Variants in SLCO6A1 observed in about 807,000 individuals in gnomAD.
The protein encoded by SLCO6A1 is cancer/testis antigen 48.
A neutral mutation model predicts 72.7 loss-of-function variants in SLCO6A1; 65 were observed. The ratio of observed to expected loss-of-function variants is 0.89; its 90% CI spans 0.73 to 1.10. The LOEUF is 1.10. Ranked by LOEUF, SLCO6A1 falls within the 50% of genes least tolerant of loss-of-function variation. The probability of loss-of-function intolerance (pLI) is 0.00; values close to 1 mark genes in which losing one functional copy is unlikely to be tolerated. For synonymous variants in SLCO6A1, 314 were observed against 298.2 expected (o/e 1.05, Z -0.55); for missense variants, 874 against 872.6 (o/e 1.00, Z -0.02).
At position 102,498,740 on chromosome 5, in the gene SLCO6A1, G is replaced by A; in HGVS notation, c.105C>T (p.Ala35=). The A allele has an allele frequency of 6.2e-7, 1 of 1,614,000 alleles. No homozygotes were observed. The highest frequency in any genetic ancestry group is 1.1e-5 in the South Asian group (1 of 91,078). ...ARAQPAKDRR[A]KGTPKSSKPG... is the part of the protein sequence containing the mutation. Reference sequence around the variant, plus strand: ...GCTTCGAGGACTTCGGGGTTCCCTTGGCCCTCCTGTCCTTAGCAGGCTGGG... The same window carrying A: ...GCTTCGAGGACTTCGGGGTTCCCTTAGCCCTCCTGTCCTTAGCAGGCTGGG... Residue 35 remains alanine, a synonymous_variant, in exon 1 of 14, where the codon GCC becomes GCT. Coordinates refer to ENST00000506729, the MANE Select transcript of SLCO6A1 (RefSeq NM_173488.5).
At position 102,391,036 on chromosome 5, in the gene SLCO6A1, A is replaced by T; in HGVS notation, c.1824T>A (p.Pro608=). Residue 608 remains proline (P), a synonymous_variant, in exon 11 of 14, where the codon CCT becomes CCA. Transcript: ENST00000506729. ...CCAAGGCCAGAGAACGCAGTTTGTC[A>T]GGTACAACCCTGAAAGTAAATAGCA... The part of the protein sequence containing the change: ...PIVLAMTRVV[P]DKLRSLALGV... 6.2e-7 allele frequency: 1 copy of T among 1,613,452 alleles called. No homozygotes were observed. Among genetic ancestry groups the T allele is most frequent in the Non-Finnish European group, 8.5e-7 (1 of 1,179,482 alleles).
intron 10 of SLCO6A1, among the ~76,000 whole-genome samples, chr5:102,398,017 G>A (rs148273646): frequency 3.3e-5 from 5 of 152,056 alleles, no homozygotes; most frequent in Non-Finnish European, 5.9e-5. Context: ...ACTAATAAAT[G>A]TTCAATATTG....
chr5:102,413,130 C>A lies in SLCO6A1; in HGVS notation c.1486G>T (p.Gly496Ter). The change falls in exon 9 of 14, where the codon GGA becomes TGA. Residue 496 changes from glycine (G) to a stop codon, truncating the protein, a stop_gained. Transcript: ENST00000506729. LOFTEE classifies it high-confidence loss of function. ...TCATTGCAAGGAGCCGTGAGGTTTC[C>A]CAACTTCCCTGTTCTGTAAAAACAA... ...NEDYDGTGKL[G>*]NLTAPCNEKC... is the part of the protein sequence containing the mutation. The A allele has an allele frequency of 1.3e-6, 2 of 1,562,916 alleles. No individual in the cohort carries two copies. Among genetic ancestry groups the A allele is most frequent in the East Asian group, 2.4e-5 (1 of 41,746 alleles).
intron 4 of SLCO6A1, among the ~76,000 whole-genome samples, chr5:102,463,130 A>T (rs1393183327): frequency 9.7e-6 from 1 of 103,090 alleles, no homozygotes; most frequent in Non-Finnish European, 2.1e-5. Flanking sequence ...ACAACTCTCA[A>T]AAGAAGATAT....
chr5:102,464,664 G>A (rs1360276411), intron 4 of SLCO6A1, among the ~76,000 whole-genome samples: 1 of 152,170 alleles, frequency 6.6e-6, no homozygotes, highest in Non-Finnish European at 1.5e-5. Context: ...GAACTCTACA[G>A]GTGGTTGTAT....
chr5:102,442,231 C>T (rs1749873333), intron 6 of SLCO6A1, among the ~76,000 whole-genome samples: 1 of 152,076 alleles, frequency 6.6e-6, no homozygotes, highest in South Asian at 2.1e-4. Flanking sequence ...AGGCAGATTT[C>T]TGGATTTAGA....
intron 7 of SLCO6A1, among the ~76,000 whole-genome samples, chr5:102,437,612 G>A (rs1749613154): frequency 1.3e-5 from 2 of 152,078 alleles, no homozygotes; most frequent in African/African-American, 4.8e-5. Flanking sequence ...GCCATTGAAA[G>A]CTGATCTATT....
In SLCO6A1 at chr5:102,498,612, G is replaced by C. The variant is rs1268175589; in HGVS notation, c.233C>G (p.Pro78Arg). 18 of 1,614,216 alleles carry C rather than the reference G, an allele frequency of 1.1e-5. No individual in the cohort carries two copies. The highest frequency in any genetic ancestry group is 1.5e-5 in the Non-Finnish European group (18 of 1,180,032). Residue 78 changes from proline (P) to arginine (R), a missense_variant, in exon 1 of 14, where the codon CCG becomes CGG. Physicochemically the swap from Pro to Arg is moderately radical, Grantham distance 103. Transcript: ENST00000506729. ...KKAKSSVSKK[P>R]GEVDDSLEQP... is the part of the protein sequence containing the mutation. ...CTCCAAACTGTCATCCACTTCTCCC[G>C]GCTTCTTGGAAACTGAGGACTTGGC...
intron 6 of SLCO6A1, among the ~76,000 whole-genome samples, chr5:102,453,505 T>G (rs914706846): frequency 6.6e-6 from 1 of 152,214 alleles, no homozygotes; most frequent in Non-Finnish European, 1.5e-5. Context: ...CCACATTTTC[T>G]TCTTTCTTTG....
chr5:102,379,393 T>C (rs958264711), intron 12 of SLCO6A1, among the ~76,000 whole-genome samples: 1 of 152,162 alleles, frequency 6.6e-6, no homozygotes, highest in African/African-American at 2.4e-5. Flanking sequence ...AAAGGCTTTA[T>C]GGTTTTATCT....
chr5:102,386,689 G>A (rs1158898747), intron 12 of SLCO6A1, among the ~76,000 whole-genome samples: 2 of 152,130 alleles, frequency 1.3e-5, no homozygotes, highest in South Asian at 4.1e-4. Flanking sequence ...TGTAACACAG[G>A]ATTGGGGGCA....
intron 13 of SLCO6A1, among the ~76,000 whole-genome samples, chr5:102,372,638 C>T (rs1750684621): frequency 6.7e-6 from 1 of 149,888 alleles, no homozygotes; most frequent in African/African-American, 2.5e-5. Context: ...TGGGTTTCAA[C>T]TCAGATTATC....
intron 12 of SLCO6A1, among the ~76,000 whole-genome samples, chr5:102,375,482 A>G (rs1745733154): frequency 6.6e-6 from 1 of 152,136 alleles, no homozygotes; most frequent in South Asian, 2.1e-4. Flanking sequence ...TATTACACAA[A>G]AGGTCTGGAA....
rs143430102 is a variant in SLCO6A1, at chr5:102,404,451, C to T, written c.1627-4709G>A. Among the ~76,000 whole-genome samples the T allele has an allele frequency of 9.7e-4, 148 of 152,068 alleles. 2 individuals carry two copies. The East Asian group carries it at 0.016, about 17-fold the overall frequency. On this transcript the variant is annotated intron_variant, in intron 9 of 13. Transcript: ENST00000506729. ...CGGAGCTTGCAGTGAGCCAAGATCT[C>T]GCCACTGCTGTGCCACTGTACTCCA...
chr5:102,387,562 G>T (rs759612030), intron 12 of SLCO6A1, among the ~76,000 whole-genome samples: 36 of 152,040 alleles, frequency 2.4e-4, no homozygotes, highest in African/African-American at 4.3e-4. Flanking sequence ...TGACTTTTTT[G>T]ATTTTGTTTT....
chr5:102,439,712 G>A (rs1337710820), intron 6 of SLCO6A1, among the ~76,000 whole-genome samples: 1 of 152,136 alleles, frequency 6.6e-6, no homozygotes, highest in Non-Finnish European at 1.5e-5. Flanking sequence ...GTCTCTAGAA[G>A]CATATATCCT....
chr5:102,442,850 T>A (rs1245970867), intron 6 of SLCO6A1, among the ~76,000 whole-genome samples: 1 of 151,950 alleles, frequency 6.6e-6, no homozygotes, highest in Non-Finnish European at 1.5e-5. Flanking sequence ...GCTCATGAGG[T>A]CAGGAGTTCG....
At chr5:102,410,893 T>C (rs574291930) in intron 9 of SLCO6A1, among the ~76,000 whole-genome samples, 2 of 152,214 alleles carry the variant, frequency 1.3e-5, no homozygotes, top group East Asian at 1.9e-4. Context: ...TGATAAACCA[T>C]AGAAGGACTA....
At chr5:102,435,882 A>C (rs1253307122) in intron 7 of SLCO6A1, among the ~76,000 whole-genome samples, 1 of 152,080 alleles carries the variant, frequency 6.6e-6, no homozygotes, top group Non-Finnish European at 1.5e-5. Flanking sequence ...TCTCAAAAAA[A>C]AAAAAAAAAG....
Sources: allele counts gnomAD v4.1 joint callset (sites outside exome capture counted in the v4.1 genomes callset), GRCh38; gene constraint gnomAD v4.1.1; transcripts MANE v1.5; gene names NCBI Gene and HGNC (gene_info 2026-07-23, HGNC 2026-07-21).